Variants in EXOC4 observed in about 807,000 individuals in gnomAD.
EXOC4 encodes exocyst complex component 4.
Under a neutral mutation model 107.2 loss-of-function variants are expected in EXOC4, and 71 were observed. The ratio of observed to expected loss-of-function variants is 0.66; its 90% CI spans 0.55 to 0.81. The LOEUF is 0.81. Among genes scored for constraint, EXOC4 ranks in the 30% least tolerant of loss-of-function variants. The pLI, the probability that EXOC4 is intolerant of heterozygous loss-of-function variation, is 0.00. For missense variants in EXOC4, 1,108 were observed against 1,189.6 expected (o/e 0.93, Z 1.01); for synonymous variants, 456 against 441.2 (o/e 1.03, Z -0.42).
chr7:133,416,133 G>T (rs1203277304), intron 7 of EXOC4, among the ~76,000 whole-genome samples: 1 of 152,126 alleles, frequency 6.6e-6, no homozygotes, highest in Non-Finnish European at 1.5e-5. Flanking sequence ...AAATCAAATT[G>T]TAGGGAGTAT....
intron 10 of EXOC4, among the ~76,000 whole-genome samples, chr7:133,674,516 G>T (rs1794014382): frequency 6.6e-6 from 1 of 152,156 alleles, no homozygotes; most frequent in African/African-American, 2.4e-5. Flanking sequence ...TTAACCTCAT[G>T]ATTCACTTAT....
At chr7:133,379,258 T>C (rs1796560970) in intron 7 of EXOC4, among the ~76,000 whole-genome samples, 1 of 152,064 alleles carries the variant, frequency 6.6e-6, no homozygotes, top group African/African-American at 2.4e-5. Flanking sequence ...TTTTTGCCCC[T>C]CCAGTAGAGA....
intron 9 of EXOC4, among the ~76,000 whole-genome samples, chr7:133,614,789 CAAAAAAAAAAAAAAA>C (rs35947572): frequency 4.5e-4 from 28 of 61,682 alleles, no homozygotes; most frequent in African/African-American, 1.6e-3. Context: ...GTACATATGG[CAAAAAAAAAAAAAAA>C]AAAAAAAAAA....
At chr7:133,850,250 G>A (rs557444210) in intron 11 of EXOC4, among the ~76,000 whole-genome samples, 1 of 152,194 alleles carries the variant, frequency 6.6e-6, no homozygotes, top group East Asian at 1.9e-4. Flanking sequence ...AGGAATTCTA[G>A]TATTTTTGCA....
chr7:133,537,299 C>G (rs112675619), intron 9 of EXOC4, among the ~76,000 whole-genome samples: 34 of 147,820 alleles, frequency 2.3e-4, no homozygotes, highest in Non-Finnish European at 3.6e-4. Context: ...TACAGGCACC[C>G]CCCCCCCCAC....
chr7:134,061,979 TCA>T (rs1796071165), intron 17 of EXOC4, among the ~76,000 whole-genome samples: 1 of 152,224 alleles, frequency 6.6e-6, no homozygotes, highest in South Asian at 2.1e-4. Context: ...CACTGGGGTC[TCA>T]CACCCCTGGA....
intron 10 of EXOC4, among the ~76,000 whole-genome samples, chr7:133,775,919 C>G (rs946033582): frequency 3.9e-5 from 6 of 152,102 alleles, no homozygotes; most frequent in African/African-American, 1.4e-4. Context: ...AGGCTCGATG[C>G]TAGAAGGAAA....
intron 10 of EXOC4, among the ~76,000 whole-genome samples, chr7:133,774,749 G>A (rs1796311332): frequency 6.6e-6 from 1 of 152,080 alleles, no homozygotes; most frequent in Non-Finnish European, 1.5e-5. Flanking sequence ...TGCATTGGAT[G>A]TTTTAGGTGA....
At chr7:133,345,469 G>A (rs550361301) in intron 5 of EXOC4, among the ~76,000 whole-genome samples, 1 of 151,854 alleles carries the variant, frequency 6.6e-6, no homozygotes, top group East Asian at 1.9e-4. Flanking sequence ...TCTGTTCCTT[G>A]TCCCTCCTGT....
chr7:133,783,090 A>G (rs1796500834), intron 10 of EXOC4, among the ~76,000 whole-genome samples: 1 of 152,196 alleles, frequency 6.6e-6, no homozygotes, highest in East Asian at 1.9e-4. Flanking sequence ...TATAATGTAT[A>G]TAGCAATTCA....
the EXOC4 span, among the ~76,000 whole-genome samples, chr7:134,080,793 A>T: frequency 3.4e-4 from 51 of 151,962 alleles, no homozygotes; most frequent in East Asian, 5.2e-3. Context: ...TATATATATA[A>T]AAATTAGCCA....
At chr7:133,407,987 A>G (rs955703717) in intron 7 of EXOC4, among the ~76,000 whole-genome samples, 1 of 152,208 alleles carries the variant, frequency 6.6e-6, no homozygotes, top group African/African-American at 2.4e-5. Context: ...CCTGACTCCA[A>G]AACTTGTAAA....
chr7:133,614,548 G>A (rs1321995870), intron 9 of EXOC4, among the ~76,000 whole-genome samples: 2 of 152,038 alleles, frequency 1.3e-5, no homozygotes, highest in African/African-American at 4.8e-5. Flanking sequence ...AAGGCTCATT[G>A]CACATGGTAC....
chr7:133,857,171 TA>T lies in EXOC4; in HGVS notation c.1735-38427del. Among the ~76,000 whole-genome samples, 3 of 15,874 alleles carry T rather than the reference TA, an allele frequency of 1.9e-4. 1 individual carries two copies. The highest frequency in any genetic ancestry group is 3.1e-4 in the Non-Finnish European group (3 of 9,700). 10.4% of individuals were successfully genotyped at this position (15,874 alleles called of 152,430 possible). A position where few individuals can be genotyped will look rare whatever the true frequency, so the allele number is the denominator to read the frequency against. On this transcript the variant is annotated intron_variant, in intron 11 of 17. Coordinates refer to ENST00000253861, the MANE Select transcript of EXOC4 (RefSeq NM_021807.4). ...ACGTATATATATATATATATATATA[TA>T]TATATATATATATATATATATATAT... is the stretch of plus-strand genomic sequence containing the variant.
intron 12 of EXOC4, among the ~76,000 whole-genome samples, chr7:133,904,847 C>T (rs994652807): frequency 6.0e-4 from 92 of 152,130 alleles, no homozygotes; most frequent in African/African-American, 2.1e-3. Context: ...TTGTATGACT[C>T]TGAAGATGCA....
At chr7:134,085,745 C>A in the EXOC4 span, among the ~76,000 whole-genome samples, 1 of 152,118 alleles carries the variant, frequency 6.6e-6, no homozygotes, top group African/African-American at 2.4e-5. Flanking sequence ...GGGTGTTTGT[C>A]AAAAACAACC....
At chr7:133,855,121 A>ATAAATATATATATAAATATG (rs1798339695) in intron 11 of EXOC4, among the ~76,000 whole-genome samples, 4 of 89,750 alleles carry the variant, frequency 4.5e-5, no homozygotes, top group Admixed American at 3.1e-4. Flanking sequence ...ATAAATATAT[A>ATAAATATATATATAAATATG]TATATAAATA....
chr7:133,352,020 T>C (rs1795922482), intron 5 of EXOC4, among the ~76,000 whole-genome samples: 1 of 152,078 alleles, frequency 6.6e-6, no homozygotes, highest in Non-Finnish European at 1.5e-5. Context: ...TCTAACTTTA[T>C]CCCTATTTAG....
At chr7:133,261,238 T>C (rs897225796) in intron 1 of EXOC4, among the ~76,000 whole-genome samples, 2 of 151,846 alleles carry the variant, frequency 1.3e-5, no homozygotes, top group South Asian at 2.1e-4. Flanking sequence ...AATTTTTTTT[T>C]CCCTCTTCCT....
Sources: allele counts gnomAD v4.1 joint callset (sites outside exome capture counted in the v4.1 genomes callset), GRCh38; gene constraint gnomAD v4.1.1; transcripts MANE v1.5; gene names NCBI Gene and HGNC (gene_info 2026-07-23, HGNC 2026-07-21).